CADPS2: variants seen among roughly 807,000 people sequenced by gnomAD.
The protein encoded by CADPS2 is calcium-dependent secretion activator 2.
A neutral mutation model predicts 172.5 loss-of-function variants in CADPS2; 93 were observed. The ratio of observed to expected loss-of-function variants is 0.54; its 90% confidence interval spans 0.46 to 0.64. The LOEUF (loss-of-function observed/expected upper bound fraction) is 0.64, where lower values mean the gene tolerates loss of function less well. Ranked by LOEUF, CADPS2 falls within the 30% of genes least tolerant of loss-of-function variation. The pLI, the probability that CADPS2 is intolerant of heterozygous loss-of-function variation, is 0.00. For missense variants in CADPS2, 1,420 were observed against 1,565.9 expected (o/e 0.91, Z 1.57); for synonymous variants, 546 against 555.2 (o/e 0.98, Z 0.23).
chr7:122,537,370 A>C (rs2062413358), intron 8 of CADPS2, among the ~76,000 whole-genome samples: 1 of 151,778 alleles, frequency 6.6e-6, no homozygotes, highest in East Asian at 1.9e-4. Context: ...TTCTAAAAGA[A>C]AATTATAAAG....
At chr7:122,810,240 T>C (rs1484704857) in intron 1 of CADPS2, among the ~76,000 whole-genome samples, 1 of 152,128 alleles carries the variant, frequency 6.6e-6, no homozygotes, top group Non-Finnish European at 1.5e-5. Flanking sequence ...TCAGATTCCC[T>C]AGTAAGTGGG....
At chr7:122,541,362 A>ATTTT (rs34290734) in intron 8 of CADPS2, among the ~76,000 whole-genome samples, 12 of 132,618 alleles carry the variant, frequency 9.0e-5, no homozygotes, top group South Asian at 2.5e-4. Context: ...ACACCCAGCT[A>ATTTT]TTTTTTTTTT....
Position 122,615,162 on chromosome 7 carries a change from C to G in CADPS2, c.1223+19G>C. ...AAAAACAAACAACAACAATAATACACTTTTTTCAACTGGCTTACTGTGGCC... is the reference window on the plus strand; with the variant it reads ...AAAAACAAACAACAACAATAATACAGTTTTTTCAACTGGCTTACTGTGGCC... On this transcript the variant is annotated intron_variant, in intron 6 of 29. Transcript: ENST00000449022. 7.0e-7 allele frequency: 1 copy of G among 1,427,590 alleles called. No individual in the cohort carries two copies. Among genetic ancestry groups the G allele is most frequent in the Non-Finnish European group, 9.6e-7 (1 of 1,045,752 alleles). The allele number at this position is 1,427,590 out of a possible 1,614,324, so 88.4% of individuals were successfully genotyped here. A position where few individuals can be genotyped will look rare whatever the true frequency, so the allele number is the denominator to read the frequency against.
At chr7:122,606,400 T>C (rs1250742467) in intron 6 of CADPS2, among the ~76,000 whole-genome samples, 1 of 152,158 alleles carries the variant, frequency 6.6e-6, no homozygotes, top group Non-Finnish European at 1.5e-5. Flanking sequence ...CCTGGGGAAG[T>C]TGTCTTGCTT....
intron 1 of CADPS2, among the ~76,000 whole-genome samples, chr7:122,822,052 CTT>C (rs1191153430): frequency 6.6e-6 from 1 of 152,030 alleles, no homozygotes; most frequent in East Asian, 1.9e-4. Flanking sequence ...ACGCCCTGCT[CTT>C]GTTTACACTG....
Position 122,361,025 on chromosome 7 carries a change from T to C in CADPS2, c.3388-12A>G, listed in dbSNP as rs376320877. On this transcript the variant is annotated splice_polypyrimidine_tract_variant and intron_variant, in intron 25 of 29. Coordinates refer to ENST00000449022, the MANE Select transcript of CADPS2 (RefSeq NM_017954.11). ...AACACTGAAACAAACTATAATACAG[T>C]TATAGTGAGTATTTAGAATGTTACT... is the stretch of plus-strand genomic sequence containing the variant. 2.5e-6 allele frequency: 4 copies of C among 1,605,338 alleles called. No individual in the cohort carries two copies. The African/African-American group carries it at 4.0e-5, about 16-fold the overall frequency.
At chr7:122,700,922 T>A (rs2136249142) in intron 2 of CADPS2, among the ~76,000 whole-genome samples, 1 of 152,246 alleles carries the variant, frequency 6.6e-6, no homozygotes, top group South Asian at 2.1e-4. Context: ...TACTATCATC[T>A]AAAATAATTA....
At chr7:122,579,466 T>TATACATAC (rs1213220070) in intron 7 of CADPS2, among the ~76,000 whole-genome samples, 1 of 147,092 alleles carries the variant, frequency 6.8e-6, no homozygotes, top group Non-Finnish European at 1.5e-5. Flanking sequence ...TATATATATA[T>TATACATAC]ATATATATAT....
chr7:122,676,839 T>G, intron 2 of CADPS2: 1 of 436,978 alleles, frequency 2.3e-6, no homozygotes, highest in Non-Finnish European at 4.0e-6. Context: ...GGTGACAGTA[T>G]TTTTTTTTTC....
At chr7:122,820,177 GCTTT>G (rs1451668298) in intron 1 of CADPS2, among the ~76,000 whole-genome samples, 2 of 151,968 alleles carry the variant, frequency 1.3e-5, no homozygotes, top group African/African-American at 4.8e-5. Context: ...TCTCAAATAT[GCTTT>G]CTTTACTATT....
At chr7:122,810,486 T>C (rs1194060696) in intron 1 of CADPS2, among the ~76,000 whole-genome samples, 1 of 152,206 alleles carries the variant, frequency 6.6e-6, no homozygotes, top group Non-Finnish European at 1.5e-5. Context: ...GAGACCACAG[T>C]AATCAGGGAT....
chr7:122,862,502 T>C (rs1348966323), intron 1 of CADPS2, among the ~76,000 whole-genome samples: 1 of 152,052 alleles, frequency 6.6e-6, no homozygotes, highest in South Asian at 2.1e-4. Flanking sequence ...TCAGAAGGCC[T>C]CTCTCTCTCA....
At chr7:122,804,357 A>T (rs1484520540) in intron 1 of CADPS2, among the ~76,000 whole-genome samples, 1 of 152,218 alleles carries the variant, frequency 6.6e-6, no homozygotes, top group Non-Finnish European at 1.5e-5. Flanking sequence ...AGCCACAGGT[A>T]TAACCTGTGC....
chr7:122,751,521 G>T (rs142821236), intron 1 of CADPS2, among the ~76,000 whole-genome samples: 1 of 152,234 alleles, frequency 6.6e-6, no homozygotes, highest in East Asian at 1.9e-4. Flanking sequence ...GAATGTAAAT[G>T]ATGACCTTTT....
intron 1 of CADPS2, among the ~76,000 whole-genome samples, chr7:122,817,787 C>T (rs1036934545): frequency 2.6e-5 from 4 of 151,952 alleles, no homozygotes; most frequent in Admixed American, 1.3e-4. Context: ...ACCCCAACCT[C>T]GTATCTCTGC....
intron 7 of CADPS2, among the ~76,000 whole-genome samples, chr7:122,567,652 T>C (rs2066639658): frequency 1.3e-5 from 2 of 152,132 alleles, no homozygotes; most frequent in South Asian, 4.1e-4. Context: ...TATGTAAAAG[T>C]ACAATGTACA....
At chr7:122,457,724 C>T (rs568388740) in intron 14 of CADPS2, among the ~76,000 whole-genome samples, 1 of 152,246 alleles carries the variant, frequency 6.6e-6, no homozygotes, top group African/African-American at 2.4e-5. Flanking sequence ...GAAAACTATA[C>T]CATCTTCTAG....
chr7:122,397,419 T>G (rs185332980), intron 20 of CADPS2, among the ~76,000 whole-genome samples: 2 of 93,942 alleles, frequency 2.1e-5, no homozygotes, highest in African/African-American at 4.3e-5. Flanking sequence ...GGGGGAGAAA[T>G]GGGGGAGACA....
At chr7:122,689,784 A>T (rs1273881625) in intron 2 of CADPS2, among the ~76,000 whole-genome samples, 4 of 152,184 alleles carry the variant, frequency 2.6e-5, no homozygotes, top group Non-Finnish European at 5.9e-5. Context: ...CACAAACCTC[A>T]GCAGGCAACC....
Sources: gnomAD v4.1 joint callset for allele counts (sites outside exome capture counted in the v4.1 genomes callset) on GRCh38, gnomAD v4.1.1 for gene constraint, MANE v1.5 for transcripts, NCBI Gene and HGNC (gene_info 2026-07-23, HGNC 2026-07-21) for gene names.